SCAMP1: variants seen among roughly 807,000 people sequenced by gnomAD.
SCAMP1 encodes the protein secretory carrier-associated membrane protein 1.
In SCAMP1, 15 loss-of-function variants were observed where a neutral mutation model predicts 41.8. That is an observed-to-expected ratio of 0.36 (90% CI 0.24 to 0.55). The LOEUF (loss-of-function observed/expected upper bound fraction) is 0.55, where lower values mean the gene tolerates loss of function less well. Among genes scored for constraint, SCAMP1 ranks in the 20% least tolerant of loss-of-function variants. SCAMP1 has a pLI of 0.86. For missense variants in SCAMP1, 341 were observed against 412.6 expected (o/e 0.83, Z 1.50); for synonymous variants, 135 against 136.8 (o/e 0.99, Z 0.09).
At chr5:78,415,192 A>G (rs1297227377) in intron 2 of SCAMP1, among the ~76,000 whole-genome samples, 2 of 152,136 alleles carry the variant, frequency 1.3e-5, no homozygotes, top group Non-Finnish European at 2.9e-5. Flanking sequence ...GACTTAGGTG[A>G]TCTACACGCC....
chr5:78,443,506 G>A (rs1752979016), intron 6 of SCAMP1, among the ~76,000 whole-genome samples: 1 of 152,042 alleles, frequency 6.6e-6, no homozygotes, highest in South Asian at 2.1e-4. Flanking sequence ...GTCTAGGTTT[G>A]ATATTGTTCA....
At chr5:78,373,268 T>G (rs1750985377) in intron 1 of SCAMP1, among the ~76,000 whole-genome samples, 1 of 152,308 alleles carries the variant, frequency 6.6e-6, no homozygotes. Flanking sequence ...CCCCTGAGAT[T>G]CAGCTATAAA....
At chr5:78,397,051 AG>A (rs1751670556) in intron 2 of SCAMP1, among the ~76,000 whole-genome samples, 1 of 152,134 alleles carries the variant, frequency 6.6e-6, no homozygotes, top group Non-Finnish European at 1.5e-5. Context: ...AGAGGATGAG[AG>A]AAATGGGGGC....
chr5:78,365,472 CAAAAAAAAA>C (rs35765310), intron 1 of SCAMP1, among the ~76,000 whole-genome samples: 2 of 55,578 alleles, frequency 3.6e-5, no homozygotes, highest in African/African-American at 7.6e-5. Context: ...AGACTCATCT[CAAAAAAAAA>C]AAAAAAAAAA....
chr5:78,395,700 G>A (rs1234758439), intron 2 of SCAMP1, among the ~76,000 whole-genome samples: 4 of 152,164 alleles, frequency 2.6e-5, no homozygotes, highest in Admixed American at 2.6e-4. Context: ...TCAGCTGGAG[G>A]CCAACCATTG....
chr5:78,426,196 T>C (rs577558510), intron 6 of SCAMP1, among the ~76,000 whole-genome samples: 1 of 152,350 alleles, frequency 6.6e-6, no homozygotes, highest in Non-Finnish European at 1.5e-5. Context: ...AATCTATCAC[T>C]GATGGGCATT....
rs75046152 is a variant in SCAMP1, at chr5:78,408,766, T to C, written c.136-6754T>C. Among the ~76,000 whole-genome samples the C allele has an allele frequency of 4.5e-3, 686 of 152,194 alleles. 7 individuals are homozygous for C. Among genetic ancestry groups the C allele is most frequent in the African/African-American group, 0.016 (660 of 41,512 alleles). ...GGCATGTGCCACCACACTTGGTAAA[T>C]TTTTAAATTTTGGTGTAGAGCTGAG... On this transcript the variant is annotated intron_variant, in intron 2 of 8. Transcript: ENST00000621999.
intron 2 of SCAMP1, among the ~76,000 whole-genome samples, chr5:78,402,429 A>G (rs1005027335): frequency 1.3e-5 from 2 of 152,098 alleles, no homozygotes; most frequent in African/African-American, 2.4e-5. Flanking sequence ...TGAGTCTACA[A>G]CTATAATAGT....
At chr5:78,453,164 T>G (rs908705699) in intron 7 of SCAMP1, among the ~76,000 whole-genome samples, 2 of 151,342 alleles carry the variant, frequency 1.3e-5, no homozygotes, top group Non-Finnish European at 3.0e-5. Flanking sequence ...TAGTTTCTTT[T>G]GCTGTGCAGA....
intron 2 of SCAMP1, 49 bp from the exon 3 acceptor site, chr5:78,415,471 A>G (rs1313100144): frequency 2.7e-6 from 3 of 1,124,426 alleles, no homozygotes; most frequent in Middle Eastern, 2.0e-4. Flanking sequence ...GAAAGAAGTT[A>G]AAGTTGGATC....
intron 1 of SCAMP1, among the ~76,000 whole-genome samples, chr5:78,376,097 A>AG (rs1491298622): frequency 6.6e-6 from 1 of 152,042 alleles, no homozygotes; most frequent in Non-Finnish European, 1.5e-5. Context: ...TTTGAGGCTC[A>AG]GGGGGGCATC....
intron 2 of SCAMP1, 83 bp from the exon 3 acceptor site, chr5:78,415,437 C>T (rs924069998): frequency 2.5e-6 from 2 of 805,148 alleles, no homozygotes; most frequent in African/African-American, 3.5e-5. Flanking sequence ...TGGGATTTTT[C>T]ATTTTATTGG....
At chr5:78,440,950 A>G (rs1752906235) in intron 6 of SCAMP1, among the ~76,000 whole-genome samples, 1 of 152,166 alleles carries the variant, frequency 6.6e-6, no homozygotes, top group African/African-American at 2.4e-5. Flanking sequence ...TTGCAGTTCG[A>G]TCTCAGACTG....
At chr5:78,362,263 A>G (rs146307078) in intron 1 of SCAMP1, among the ~76,000 whole-genome samples, 17 of 152,346 alleles carry the variant, frequency 1.1e-4, no homozygotes, top group African/African-American at 2.4e-4. Context: ...AGCCTTTCCT[A>G]ATTCAGATAA....
chr5:78,405,081 G>C (rs1179244718), intron 2 of SCAMP1, among the ~76,000 whole-genome samples: 1 of 152,168 alleles, frequency 6.6e-6, no homozygotes, highest in East Asian at 1.9e-4. Flanking sequence ...CTGCAGTCAT[G>C]GGTCAGCAAT....
chr5:78,382,504 T>G (rs1375278127), intron 1 of SCAMP1, among the ~76,000 whole-genome samples: 2 of 152,222 alleles, frequency 1.3e-5, no homozygotes, highest in African/African-American at 4.8e-5. Context: ...TTCTGAGATT[T>G]TGGTGCACCT....
intron 8 of SCAMP1, among the ~76,000 whole-genome samples, chr5:78,462,232 T>TG (rs757835260): frequency 1.1e-4 from 16 of 151,648 alleles, no homozygotes; most frequent in Non-Finnish European, 1.6e-4. Flanking sequence ...TGTGTGTCTA[T>TG]TGTAAATGGG....
At chr5:78,380,752 T>A (rs1580649322) in intron 1 of SCAMP1, among the ~76,000 whole-genome samples, 1 of 152,136 alleles carries the variant, frequency 6.6e-6, no homozygotes, top group Non-Finnish European at 1.5e-5. Flanking sequence ...TGATCACAGA[T>A]CACCACAACA....
intron 2 of SCAMP1, among the ~76,000 whole-genome samples, chr5:78,397,737 A>C (rs1044551309): frequency 2.6e-5 from 4 of 152,164 alleles, no homozygotes; most frequent in Admixed American, 2.0e-4. Context: ...CCTGACCAAC[A>C]TGGCAAAACC....
Sources: allele counts gnomAD v4.1 joint callset (sites outside exome capture counted in the v4.1 genomes callset), GRCh38; gene constraint gnomAD v4.1.1; transcripts MANE v1.5; gene names NCBI Gene and HGNC (gene_info 2026-07-23, HGNC 2026-07-21).